The following F8 variants were observed in gnomAD, a reference collection of about 807,000 sequenced individuals.
F8 encodes the protein antihemophilic factor.
In F8, 12 loss-of-function variants were observed where a neutral mutation model predicts 140.6. The ratio of observed to expected loss-of-function variants is 0.09; its 90% CI spans 0.05 to 0.14. The LOEUF (loss-of-function observed/expected upper bound fraction) is 0.14. Among genes scored for constraint, F8 ranks in the 10% least tolerant of loss-of-function variants. The pLI is 1.00. For synonymous variants in F8, 585 were observed against 614.6 expected, an observed-to-expected ratio of 0.95 and a Z score of 0.71; for missense variants, 1,354 against 1,720.7, an observed-to-expected ratio of 0.79 and a Z score of 3.77.
chrX:154,969,576 T>C (rs371303295), intron 6 of F8, 24 bp from the exon 7 acceptor site: 24 of 1,146,194 alleles, frequency 2.1e-5, no homozygotes, highest in Non-Finnish European at 1.2e-6. Flanking sequence ...ATAAGACACC[T>C]ATGGCTATGA....
chrX:154,925,743 A>C (rs781886660), intron 14 of F8, among the ~76,000 whole-genome samples: 13 of 112,898 alleles, frequency 1.2e-4, no homozygotes, highest in African/African-American at 4.2e-4. Flanking sequence ...TGTATCTAGG[A>C]AGTAACTAAC....
chrX:154,878,224 C>G (rs782033460), intron 22 of F8, among the ~76,000 whole-genome samples: 11 of 110,415 alleles, frequency 1.0e-4, no homozygotes, highest in Admixed American at 3.9e-4. Flanking sequence ...AAAATATTAG[C>G]AAACCAAATC....
intron 25 of F8, among the ~76,000 whole-genome samples, chrX:154,851,592 T>G (rs73561497): frequency 0.012 from 1,358 of 111,487 alleles, 24 homozygotes; most frequent in African/African-American, 0.042. Context: ...TTTTTTTAAT[T>G]TAGCCATCCT....
At chrX:155,016,622 G>A (rs2073735599) in intron 1 of F8, among the ~76,000 whole-genome samples, 1 of 112,649 alleles carries the variant, frequency 8.9e-6, no homozygotes, top group African/African-American at 3.2e-5. Flanking sequence ...TCCAAATCAT[G>A]ATGCTGAAGA....
At chrX:155,020,677 G>A (rs1289203724) in intron 1 of F8, among the ~76,000 whole-genome samples, 3 of 111,440 alleles carry the variant, frequency 2.7e-5, no homozygotes, top group African/African-American at 9.8e-5. Flanking sequence ...AAAGAATAAT[G>A]GGCAAATCAT....
chrX:154,890,967 AATATAG>A (rs781819712), intron 22 of F8, among the ~76,000 whole-genome samples: 1 of 113,087 alleles, frequency 8.8e-6, no homozygotes, highest in African/African-American at 3.2e-5. Flanking sequence ...TTCATTCATG[AATATAG>A]ATATAGAAAT....
chrX:154,999,005 A>C (rs1557285350), intron 2 of F8, among the ~76,000 whole-genome samples: 2 of 111,189 alleles, frequency 1.8e-5, no homozygotes, highest in Non-Finnish European at 3.8e-5. Context: ...TAAAACACCG[A>C]AGAGGCTCTC....
intron 22 of F8, among the ~76,000 whole-genome samples, chrX:154,868,873 C>CAA (rs782200506): frequency 1.0e-4 from 10 of 97,456 alleles, no homozygotes; most frequent in African/African-American, 3.7e-4. Flanking sequence ...AAATGGAAAG[C>CAA]AAAAAAAAAA....
chrX:154,993,059 G>A lies in F8; in HGVS notation c.478C>T (p.Leu160=). The A allele has an allele frequency of 2.5e-6, 3 of 1,211,447 alleles. No homozygotes were observed. The highest frequency in any genetic ancestry group is 3.4e-6 in the Non-Finnish European group (3 of 895,191). ...GAGGCCATTGGACCATTCTCTTTCA[G>A]GACCTGCCAGACATATGTATGGCTT... ...GGSHTYVWQV[L]KENGPMASDP... is the part of the protein sequence containing the mutation. The change falls in exon 4 of 26, where the codon CTG becomes TTG. Residue 160 remains leucine (L), a synonymous_variant. Coordinates refer to ENST00000360256, the MANE Select transcript of F8 (RefSeq NM_000132.4).
Position 154,969,362 on chromosome X carries a change from T to C in F8, c.978A>G (p.Leu326=), listed in dbSNP as rs782374508. 5 of 1,209,499 alleles carry C rather than the reference T, an allele frequency of 4.1e-6. No homozygotes were observed. The highest frequency in any genetic ancestry group is 1.7e-5 in the African/African-American group (1 of 57,180). Residue 326 remains leucine (L), a synonymous_variant, in exon 7 of 26, where the codon CTA becomes CTG. Transcript: ENST00000360256. ...QTLLMDLGQF[L]LFCHISSHQH... ...GGTGGGAAGAGATATGACAAAACAG[T>C]AGAAACTGTCCAAGGTCCATCAAGA... is the stretch of plus-strand genomic sequence containing the variant.
At chrX:154,957,273 T>C in intron 10 of F8, 102 bp from the exon 11 acceptor site, 3 of 667,138 alleles carry the variant, frequency 4.5e-6, no homozygotes, top group Non-Finnish European at 4.8e-6. Context: ...TGTATGTACA[T>C]ATGAAGTTTC....
chrX:154,928,882 T>C lies in F8; in HGVS notation c.4908A>G (p.Gln1636=). 3 of 1,211,854 alleles carry C rather than the reference T, an allele frequency of 2.5e-6. No homozygotes were observed. The highest frequency in any genetic ancestry group is 3.3e-6 in the Non-Finnish European group (3 of 895,547). Residue 1636 remains glutamine (Q), a synonymous_variant, in exon 14 of 26, where the codon CAA becomes CAG. Coordinates refer to ENST00000360256, the MANE Select transcript of F8 (RefSeq NM_000132.4). The part of the protein sequence containing the change: ...NHAIAAINEG[Q]NKPEIEVTWA... ...AGGTGACTTCTATTTCGGGCTTATTTTGTCCCTCATTTATTGCTGCTATTG... is the reference window on the plus strand; with the variant it reads ...AGGTGACTTCTATTTCGGGCTTATTCTGTCCCTCATTTATTGCTGCTATTG...
intron 1 of F8, among the ~76,000 whole-genome samples, chrX:155,005,235 C>G (rs1223178832): frequency 8.9e-6 from 1 of 111,803 alleles, no homozygotes; most frequent in African/African-American, 3.3e-5. Flanking sequence ...GTAACCGATC[C>G]TGATCATCAG....
chrX:154,944,135 A>G (rs1440278964), intron 13 of F8, among the ~76,000 whole-genome samples: 1 of 111,728 alleles, frequency 9.0e-6, no homozygotes, highest in Non-Finnish European at 1.9e-5. Context: ...TAAAACACCA[A>G]AAGCAATGGC....
chrX:154,874,311 C>G (rs1569559389), intron 22 of F8, among the ~76,000 whole-genome samples: 1 of 112,582 alleles, frequency 8.9e-6, no homozygotes, highest in Non-Finnish European at 1.9e-5. Context: ...TGGACTATAA[C>G]TTATTATGGA....
chrX:154,931,535 T>C lies in F8; in HGVS notation c.2255A>G (p.Lys752Arg). ...YEDISAYLLS[K>R]NNAIEPRSFS... ...GCTTCTTGGTTCAATGGCATTGTTT[T>C]TACTCAGCAAGTATGCTGAAATATC... The change falls in exon 14 of 26, where the codon AAA (lysine) becomes AGA (arginine). Residue 752 changes from lysine (K) to arginine (R), a missense_variant. Coordinates refer to ENST00000360256, the MANE Select transcript of F8 (RefSeq NM_000132.4). The C allele has an allele frequency of 8.3e-7, 1 of 1,211,592 alleles. No homozygotes were observed. Among genetic ancestry groups the C allele is most frequent in the Non-Finnish European group, 1.1e-6 (1 of 895,274 alleles).
chrX:154,960,433 G>T (rs2073389855), intron 10 of F8, among the ~76,000 whole-genome samples: 2 of 111,235 alleles, frequency 1.8e-5, no homozygotes, highest in Admixed American at 9.6e-5. Context: ...ATAATAGAAA[G>T]AATATACATA....
In F8 at chrX:154,947,747, G is replaced by A. The variant is rs781888034; in HGVS notation, c.2064C>T (p.Thr688=). The stretch of plus-strand genomic sequence containing the variant: ...CAGTTTCTCCTGAGAATGGGAATAG[G>A]GTGAGTGTGTCTTCATAGACCATTT... ...KHKMVYEDTL[T]LFPFSGETVF... The change falls in exon 13 of 26, where the codon ACC becomes ACT. Residue 688 remains threonine, a synonymous_variant. Coordinates refer to ENST00000360256, the MANE Select transcript of F8 (RefSeq NM_000132.4). 2 of 1,210,794 alleles carry A rather than the reference G, an allele frequency of 1.7e-6. No homozygotes were observed. Among genetic ancestry groups the A allele is most frequent in the Non-Finnish European group, 1.1e-6 (1 of 894,690 alleles).
At chrX:154,842,460 A>G (rs185341229) in intron 25 of F8, among the ~76,000 whole-genome samples, 75 of 111,869 alleles carry the variant, frequency 6.7e-4, no homozygotes, top group African/African-American at 2.3e-3. Context: ...CTTCCAATAT[A>G]TGTTTTTAAC....
Sources: allele counts gnomAD v4.1 joint callset (sites outside exome capture counted in the v4.1 genomes callset), GRCh38; gene constraint gnomAD v4.1.1; transcripts MANE v1.5; gene names NCBI Gene and HGNC (gene_info 2026-07-23, HGNC 2026-07-21).